Variants in KANSL1 observed in about 807,000 individuals in gnomAD.
The protein encoded by KANSL1 is KAT8 regulatory NSL complex subunit 1, also known as MLL1/MLL complex subunit KANSL1.
KANSL1 carries 22 observed loss-of-function variants against 103.6 expected under a neutral mutation model. The ratio of observed to expected loss-of-function variants is 0.21; its 90% confidence interval spans 0.15 to 0.30. The LOEUF (loss-of-function observed/expected upper bound fraction) is 0.30. Ranked by LOEUF, KANSL1 falls within the 10% of genes least tolerant of loss-of-function variation. The pLI, the probability that KANSL1 is intolerant of heterozygous loss-of-function variation, is 1.00. For synonymous variants in KANSL1, 600 were observed against 527.6 expected (o/e 1.14, Z -1.88); for missense variants, 1,337 against 1,399.8 (o/e 0.96, Z 0.72).
At chr17:46,077,087 C>T (rs1183584607) in intron 4 of KANSL1, among the ~76,000 whole-genome samples, 1 of 152,198 alleles carries the variant, frequency 6.6e-6, no homozygotes, top group Non-Finnish European at 1.5e-5. Flanking sequence ...GGTCTCACCC[C>T]GTCGCCCAGG....
chr17:46,159,053 T>G (rs915044806), intron 2 of KANSL1, among the ~76,000 whole-genome samples: 1 of 152,186 alleles, frequency 6.6e-6, no homozygotes, highest in Non-Finnish European at 1.5e-5. Context: ...TGGTCCCAGG[T>G]TGCCTCATGA....
Position 46,066,523 on chromosome 17 carries a change from T to G in KANSL1, c.1848+14A>C, listed in dbSNP as rs772923557. On this transcript the variant is annotated intron_variant, in intron 6 of 14. Coordinates refer to ENST00000432791, the MANE Select transcript of KANSL1 (RefSeq NM_015443.4). The stretch of plus-strand genomic sequence containing the variant: ...CTCACTGCTTGACAATGACCAACTC[T>G]CATCTGTACCGACCTTCTTGGAAAG... 1 of 1,589,114 alleles carries G rather than the reference T, an allele frequency of 6.3e-7. No individual in the cohort carries two copies.
At chr17:46,036,579 A>G (rs2077156320) in intron 10 of KANSL1, among the ~76,000 whole-genome samples, 1 of 152,260 alleles carries the variant, frequency 6.6e-6, no homozygotes, top group South Asian at 2.1e-4. Flanking sequence ...AAGCATACAC[A>G]TAGGTTATAT....
intron 2 of KANSL1, among the ~76,000 whole-genome samples, chr17:46,096,315 T>TTTTTC (rs2146964699): frequency 1.4e-5 from 1 of 70,858 alleles, no homozygotes; most frequent in African/African-American, 3.3e-5. Context: ...TTTTTTCTTT[T>TTTTTC]TTTTTTTTTT....
intron 7 of KANSL1, chr17:46,041,878 T>TG (rs1555734994): frequency 3.3e-5 from 4 of 122,716 alleles, no homozygotes; most frequent in East Asian, 4.1e-4. Context: ...GAAATTTATT[T>TG]TGTGTGTGTG....
At chr17:46,159,013 C>CA (rs2045588075) in intron 2 of KANSL1, among the ~76,000 whole-genome samples, 1 of 152,062 alleles carries the variant, frequency 6.6e-6, no homozygotes, top group African/African-American at 2.4e-5. Flanking sequence ...GTGAACACAA[C>CA]AAAAAATTAC....
intron 1 of KANSL1, among the ~76,000 whole-genome samples, chr17:46,202,919 C>A (rs920997667): frequency 2.6e-5 from 4 of 152,180 alleles, no homozygotes; most frequent in African/African-American, 9.7e-5. Flanking sequence ...TTAAATGAAA[C>A]TGTATCTTCT....
chr17:46,047,451 T>C (rs2077551303), intron 7 of KANSL1, among the ~76,000 whole-genome samples: 1 of 152,180 alleles, frequency 6.6e-6, no homozygotes, highest in South Asian at 2.1e-4. Context: ...ACATCAATTA[T>C]ATGGCCTGCA....
At chr17:46,188,755 G>A (rs1489613208) in intron 1 of KANSL1, among the ~76,000 whole-genome samples, 1 of 152,156 alleles carries the variant, frequency 6.6e-6, no homozygotes, top group Non-Finnish European at 1.5e-5. Context: ...AAGGGGCCAG[G>A]CCCGGTGGCT....
chr17:46,184,859 A>C (rs2046946443), intron 1 of KANSL1, among the ~76,000 whole-genome samples: 1 of 78,346 alleles, frequency 1.3e-5, no homozygotes. Context: ...TTTTTTTTTG[A>C]AACAGAGCCT....
rs1044056369 is a variant in KANSL1 at position 46,189,658 on chromosome 17, T to C, written c.-90+3165A>G. Among the ~76,000 whole-genome samples, 6 of 152,014 alleles carry C rather than the reference T, an allele frequency of 3.9e-5. No homozygotes were observed. The East Asian group carries it at 1.2e-3, about 29-fold the overall frequency. On this transcript the variant is annotated intron_variant, in intron 1 of 14. Transcript: ENST00000432791. ...GGCACTTCTGGGAGGCCGAGGCAGG[T>C]GGATCACTTGAGGTCAGGAGTTCGA...
chr17:46,181,369 G>A (rs2046782525), intron 1 of KANSL1, among the ~76,000 whole-genome samples: 1 of 151,878 alleles, frequency 6.6e-6, no homozygotes, highest in Non-Finnish European at 1.5e-5. Flanking sequence ...TAGTGCCTCA[G>A]TGCCCCAAAC....
intron 7 of KANSL1, among the ~76,000 whole-genome samples, chr17:46,047,264 G>C (rs1175084898): frequency 1.3e-5 from 2 of 152,198 alleles, no homozygotes; most frequent in Non-Finnish European, 2.9e-5. Flanking sequence ...GGGGATTATA[G>C]TTATCTAATG....
intron 7 of KANSL1, 94 bp downstream of exon 7, chr17:46,050,439 A>C: frequency 7.9e-7 from 1 of 1,271,888 alleles, no homozygotes; most frequent in South Asian, 1.5e-5. Flanking sequence ...CCTTGAAAGT[A>C]TCTGAGTTGT....
chr17:46,100,875 T>C (rs1197719684), intron 2 of KANSL1, among the ~76,000 whole-genome samples: 1 of 152,234 alleles, frequency 6.6e-6, no homozygotes, highest in Non-Finnish European at 1.5e-5. Flanking sequence ...TGGTGGTAAT[T>C]TCAACTTTGA....
chr17:46,144,359 C>G (rs1346968606), intron 2 of KANSL1, among the ~76,000 whole-genome samples: 1 of 152,212 alleles, frequency 6.6e-6, no homozygotes, highest in African/African-American at 2.4e-5. Flanking sequence ...AGGCCTGCAA[C>G]AACAAACTTC....
chr17:46,180,732 G>A (rs1261415622), intron 1 of KANSL1, among the ~76,000 whole-genome samples: 4 of 152,068 alleles, frequency 2.6e-5, no homozygotes, highest in African/African-American at 9.7e-5. Context: ...AGGTGCAGCG[G>A]CTCAGACATG....
In KANSL1 at chr17:46,082,487, A is replaced by G. The variant is rs1435648129; in HGVS notation, c.1487T>C (p.Leu496Pro). Residue 496 changes from leucine (L) to proline (P), a missense_variant, in exon 4 of 15, where the codon CTT (leucine) becomes CCT (proline). Leu to Pro is a moderately conservative substitution (Grantham distance 98). Coordinates refer to ENST00000432791, the MANE Select transcript of KANSL1 (RefSeq NM_015443.4). ...TGTCTTCACCTCAGAACTAAGTGGA[A>G]GAAATAAGTCTGTTGTATGCTCTGG... Reference protein sequence around the residue: ...PPPEHTTDLFLPLSSEVKTDH... With the variant: ...PPPEHTTDLFPPLSSEVKTDH... 6.2e-7 allele frequency: 1 copy of G among 1,612,666 alleles called. No homozygotes were observed. The highest frequency in any genetic ancestry group is 8.5e-7 in the Non-Finnish European group (1 of 1,178,938).
chr17:46,149,325 A>G (rs938518882), intron 2 of KANSL1, among the ~76,000 whole-genome samples: 1 of 152,242 alleles, frequency 6.6e-6, no homozygotes, highest in Non-Finnish European at 1.5e-5. Flanking sequence ...TACTAGGGCT[A>G]TCACAATTCT....
Sources: gnomAD v4.1 joint callset for allele counts (sites outside exome capture counted in the v4.1 genomes callset) on GRCh38, gnomAD v4.1.1 for gene constraint, MANE v1.5 for transcripts, NCBI Gene and HGNC (gene_info 2026-07-23, HGNC 2026-07-21) for gene names.